SUMF1: variants seen among roughly 807,000 people sequenced by gnomAD.
The protein encoded by SUMF1 is formylglycine-generating enzyme.
Under a neutral mutation model 47.6 loss-of-function variants are expected in SUMF1, and 48 were observed. That is an observed-to-expected ratio of 1.01 (90% CI 0.80 to 1.28). The LOEUF (loss-of-function observed/expected upper bound fraction) is 1.28, where lower values mean the gene tolerates loss of function less well. SUMF1 is among the 50% of genes most tolerant of loss of function. The pLI is 0.00. For missense variants in SUMF1, 571 were observed against 485.4 expected (o/e 1.18, Z -1.66); for synonymous variants, 230 against 192.1 (o/e 1.20, Z -1.63).
At position 4,152,448 on chromosome 3, in the gene SUMF1, C is replaced by T. The variant is rs558494312; in HGVS notation, c.1015-83703G>A. ...AACTACAGGCACAGGCCCCAACACC[C>T]GGATTTGCTTTTTTTTTTTCTTTTT... On this transcript the variant is annotated intron_variant and NMD_transcript_variant, in intron 8 of 12. Coordinates refer to the SUMF1 transcript ENST00000448413. Among the ~76,000 whole-genome samples, 64 of 151,096 alleles carry T rather than the reference C, an allele frequency of 4.2e-4. 1 individual carries two copies. The highest frequency in any genetic ancestry group is 1.3e-3 in the African/African-American group (54 of 40,616).
intron 8 of SUMF1, among the ~76,000 whole-genome samples, chr3:4,212,496 T>C (rs1366420380): frequency 2.0e-5 from 3 of 152,130 alleles, no homozygotes; most frequent in Non-Finnish European, 2.9e-5. Flanking sequence ...AAAACCAGAA[T>C]GCCTCTTCTC....
chr3:4,069,246 G>A (rs1184665469), intron 8 of SUMF1, among the ~76,000 whole-genome samples: 2 of 152,188 alleles, frequency 1.3e-5, no homozygotes, highest in Non-Finnish European at 2.9e-5. Context: ...CATGGGGGCA[G>A]TGATCCGTGT....
intron 8 of SUMF1, among the ~76,000 whole-genome samples, chr3:4,211,203 C>CATAT (rs57172340): frequency 0.02 from 1,979 of 98,118 alleles, 86 homozygotes; most frequent in African/African-American, 0.052. Flanking sequence ...TACATACATA[C>CATAT]ATATATATAT....
rs904009881 is a variant in SUMF1 at position 4,362,003 on chromosome 3, C to T, written c.*141G>A. 3.6e-5 allele frequency: 27 copies of T among 740,954 alleles called. 1 individual carries two copies. Among genetic ancestry groups the T allele is most frequent in the Non-Finnish European group, 5.1e-5 (22 of 430,706 alleles). The allele number at this position is 740,954 out of a possible 1,614,324, so 45.9% of individuals were successfully genotyped here. The stretch of plus-strand genomic sequence containing the variant: ...AGGTCAGCAATTTGGTCTCACAAGG[C>T]GGTTCCTTTGGCCATTGGGCAGGTA... On this transcript the variant is annotated 3_prime_UTR_variant, in exon 9 of 9. Transcript: ENST00000272902.
chr3:4,371,500 C>T (rs757482057), intron 8 of SUMF1, among the ~76,000 whole-genome samples: 3 of 152,134 alleles, frequency 2.0e-5, no homozygotes, highest in African/African-American at 4.8e-5. Flanking sequence ...TCATGTTAAA[C>T]GAAATCATTA....
chr3:4,322,747 T>C (rs188789674), intron 8 of SUMF1, among the ~76,000 whole-genome samples: 6 of 151,676 alleles, frequency 4.0e-5, no homozygotes, highest in Non-Finnish European at 5.9e-5. Context: ...ATTGGTTGGT[T>C]GGTTGCAAAA....
chr3:4,387,232 G>A (rs993281140), intron 7 of SUMF1, among the ~76,000 whole-genome samples: 6 of 151,910 alleles, frequency 3.9e-5, no homozygotes, highest in Non-Finnish European at 8.8e-5. Flanking sequence ...CTGGAGATTT[G>A]TTTTTTGAGA....
intron 8 of SUMF1, among the ~76,000 whole-genome samples, chr3:4,353,882 G>C (rs1286525155): frequency 1.3e-5 from 2 of 151,984 alleles, no homozygotes; most frequent in Non-Finnish European, 2.9e-5. Flanking sequence ...ATGATTTTTA[G>C]GGACAGGGTA....
At chr3:4,373,550 C>T (rs1303199347) in intron 8 of SUMF1, among the ~76,000 whole-genome samples, 3 of 151,992 alleles carry the variant, frequency 2.0e-5, no homozygotes, top group South Asian at 2.1e-4. Context: ...TTCAGAAATT[C>T]GACCCTGTCT....
chr3:4,195,152 A>C, intron 8 of SUMF1, among the ~76,000 whole-genome samples: 1 of 152,168 alleles, frequency 6.6e-6, no homozygotes, highest in African/African-American at 2.4e-5. Context: ...ATAACAAGTC[A>C]TTAAGATACA....
chr3:4,297,300 T>A (rs2125060769), intron 8 of SUMF1, among the ~76,000 whole-genome samples: 1 of 152,246 alleles, frequency 6.6e-6, no homozygotes, highest in South Asian at 2.1e-4. Context: ...CCCAAAAGGA[T>A]CAATTACCAT....
chr3:4,035,868 T>C (rs1694783786), intron 9 of SUMF1, among the ~76,000 whole-genome samples: 1 of 62,302 alleles, frequency 1.6e-5, no homozygotes, highest in Non-Finnish European at 3.2e-5. Context: ...GAAGTACTTG[T>C]GCTTTGTGAG....
chr3:4,226,264 C>CTTTTTT (rs869300368), intron 8 of SUMF1, among the ~76,000 whole-genome samples: 20 of 86,980 alleles, frequency 2.3e-4, no homozygotes, highest in Non-Finnish European at 2.9e-4. Flanking sequence ...TTTTTTGTTT[C>CTTTTTT]TTTTTTTTTT....
intron 8 of SUMF1, among the ~76,000 whole-genome samples, chr3:4,309,460 G>T (rs771075238): frequency 6.6e-6 from 1 of 152,102 alleles, no homozygotes; most frequent in Non-Finnish European, 1.5e-5. Context: ...TCTACCCAGG[G>T]TGTATCAGTC....
chr3:4,276,895 G>C (rs1697430936), intron 8 of SUMF1, among the ~76,000 whole-genome samples: 1 of 152,046 alleles, frequency 6.6e-6, no homozygotes. Flanking sequence ...TAAGTATATA[G>C]ATCTGGACAC....
At chr3:4,298,405 C>T (rs310707) in intron 8 of SUMF1, among the ~76,000 whole-genome samples, 96,121 of 152,034 alleles carry the variant, frequency 0.63, 32,528 homozygotes, top group African/African-American at 0.89. Flanking sequence ...TTTGGATCCT[C>T]TGCCAGCAAG....
intron 8 of SUMF1, chr3:4,313,330 A>G (rs776571663): frequency 1.5e-5 from 24 of 1,614,054 alleles, no homozygotes; most frequent in Non-Finnish European, 2.0e-5. Context: ...TATAGCCATC[A>G]GGGAACATGT....
intron 8 of SUMF1, chr3:4,316,342 G>A (rs762133965): frequency 4.8e-6 from 7 of 1,446,838 alleles, no homozygotes; most frequent in East Asian, 4.9e-5. Context: ...GCTAACGAAC[G>A]TACAGTGCAG....
chr3:4,454,079 T>G (rs1703071754), intron 1 of SUMF1, among the ~76,000 whole-genome samples: 1 of 152,198 alleles, frequency 6.6e-6, no homozygotes, highest in Non-Finnish European at 1.5e-5. Flanking sequence ...CTGCATGAAT[T>G]TTGGCCTCCA....
Sources: gnomAD v4.1 joint callset for allele counts (sites outside exome capture counted in the v4.1 genomes callset) on GRCh38, gnomAD v4.1.1 for gene constraint, MANE v1.5 for transcripts, NCBI Gene and HGNC (gene_info 2026-07-23, HGNC 2026-07-21) for gene names.